RELN: variants seen among roughly 807,000 people sequenced by gnomAD.
RELN encodes reelin.
In RELN, 108 loss-of-function variants were observed where a neutral mutation model predicts 427.6. That is an observed-to-expected ratio of 0.25 (90% CI 0.22 to 0.30). RELN has a LOEUF of 0.30. RELN is among the 10% of genes least tolerant of loss of function. The pLI is 1.00. For synonymous variants in RELN, 1,524 were observed against 1,513.4 expected (o/e 1.01, Z -0.16); for missense variants, 3,715 against 4,302.8 (o/e 0.86, Z 3.82).
chr7:103,658,489 G>A lies in RELN; in HGVS notation c.1441+2887C>T, dbSNP rs184219980. On this transcript the variant is annotated intron_variant, in intron 12 of 64. Transcript: ENST00000428762. ...CCTATCCTATCTATCCTGCCCTATC[G>A]TATCCCACCATATTCCATCCTACCA... is the stretch of plus-strand genomic sequence containing the variant. 5.3e-5 allele frequency among the ~76,000 whole-genome samples: 8 copies of A among 151,866 alleles called. No homozygotes were observed. The East Asian group carries it at 5.8e-4, about 11-fold the overall frequency.
chr7:103,831,266 A>G (rs867980789), intron 3 of RELN, among the ~76,000 whole-genome samples: 141 of 152,270 alleles, frequency 9.3e-4, no homozygotes, highest in African/African-American at 3.2e-3. Context: ...CAATATGAAT[A>G]AGAGAAAGCA....
chr7:103,825,534 C>T (rs577043767), intron 3 of RELN, among the ~76,000 whole-genome samples: 2 of 152,232 alleles, frequency 1.3e-5, no homozygotes, highest in East Asian at 1.9e-4. Context: ...GTTCACATAA[C>T]AATGGCAAAA....
intron 6 of RELN, among the ~76,000 whole-genome samples, chr7:103,748,349 TAA>T (rs1790900952): frequency 6.6e-6 from 1 of 152,116 alleles, no homozygotes; most frequent in Non-Finnish European, 1.5e-5. Context: ...AGAAAAGAAA[TAA>T]AAGTTTCTTG....
Position 103,703,519 on chromosome 7 carries a change from C to T in RELN, c.806-2513G>A, listed in dbSNP as rs1255718347. 4.6e-5 allele frequency among the ~76,000 whole-genome samples: 7 copies of T among 152,284 alleles called. No homozygotes were observed. In the South Asian group the frequency reaches 1.5e-3, roughly 32 times the overall value. ...CTCCCTGTACCCAGACACTGTGACA[C>T]CTCTCAAGGTACCTTCTTAGGGAGT... On this transcript the variant is annotated intron_variant, in intron 8 of 64. Transcript: ENST00000428762.
intron 2 of RELN, among the ~76,000 whole-genome samples, chr7:103,859,496 T>C (rs1399535509): frequency 1.3e-5 from 2 of 152,132 alleles, no homozygotes; most frequent in Non-Finnish European, 2.9e-5. Context: ...GGTTTCACTG[T>C]GTTAGCCAGG....
intron 10 of RELN, among the ~76,000 whole-genome samples, chr7:103,686,678 T>C (rs1027823264): frequency 6.6e-6 from 1 of 152,162 alleles, no homozygotes; most frequent in Admixed American, 6.6e-5. Flanking sequence ...CCATTGGAAA[T>C]TGACTAATTT....
chr7:103,888,720 T>C (rs1342542686), intron 2 of RELN, among the ~76,000 whole-genome samples: 1 of 151,986 alleles, frequency 6.6e-6, no homozygotes, highest in Non-Finnish European at 1.5e-5. Context: ...AATCCATGAG[T>C]GTATTCTCCT....
chr7:103,505,273 GAGACACCTCCCAGTAGGGGCCGAC>G (rs1184960939), intron 51 of RELN, among the ~76,000 whole-genome samples: 2 of 152,170 alleles, frequency 1.3e-5, no homozygotes, highest in East Asian at 1.9e-4. Flanking sequence ...TCCTGATTGG[GAGACACCTCCCAGTAGGGGCCGAC>G]AGACACCTCA....
intron 10 of RELN, among the ~76,000 whole-genome samples, chr7:103,691,923 A>G (rs1478538993): frequency 6.6e-6 from 1 of 152,168 alleles, no homozygotes; most frequent in Admixed American, 6.6e-5. Context: ...CGTCATGACA[A>G]CATGAGGTGG....
At chr7:103,757,528 A>G (rs772339306) in intron 4 of RELN, among the ~76,000 whole-genome samples, 9 of 152,230 alleles carry the variant, frequency 5.9e-5, no homozygotes, top group Non-Finnish European at 1.2e-4. Flanking sequence ...TAAAATTGTC[A>G]AATGGCTTAA....
At chr7:103,912,315 C>T (rs1334318061) in intron 2 of RELN, among the ~76,000 whole-genome samples, 3 of 151,436 alleles carry the variant, frequency 2.0e-5, no homozygotes, top group South Asian at 2.1e-4. Flanking sequence ...CCTGCAAGTA[C>T]GTGGGATTAC....
At chr7:103,499,548 TTCTA>T (rs142854271) in intron 53 of RELN, among the ~76,000 whole-genome samples, 7 of 152,086 alleles carry the variant, frequency 4.6e-5, no homozygotes, top group African/African-American at 1.4e-4. Context: ...TTAAGGAGAG[TTCTA>T]TCTTACTGTG....
chr7:103,931,878 A>G (rs1459023336), intron 1 of RELN, among the ~76,000 whole-genome samples: 2 of 152,142 alleles, frequency 1.3e-5, no homozygotes. Context: ...AACAGATGCA[A>G]AAGAAGTGAA....
chr7:103,562,085 C>T (rs1383936848), intron 34 of RELN, 132 bp from the exon 35 acceptor site: 12 of 1,073,976 alleles, frequency 1.1e-5, no homozygotes, highest in African/African-American at 4.8e-5. Context: ...TCTTTCTTGA[C>T]GTACTTTATT....
At chr7:103,521,929 T>A in intron 48 of RELN, 93 bp downstream of exon 48, 1 of 1,303,428 alleles carries the variant, frequency 7.7e-7, no homozygotes, top group Non-Finnish European at 1.1e-6. Context: ...TAACCCTGCA[T>A]CTTGATTTGC....
intron 2 of RELN, among the ~76,000 whole-genome samples, chr7:103,838,208 C>CAAGAAA (rs1491227842): frequency 3.7e-5 from 3 of 81,082 alleles, no homozygotes; most frequent in African/African-American, 1.5e-4. Flanking sequence ...GACTTCGTCT[C>CAAGAAA]AAAAAAAAAA....
At chr7:103,516,083 C>T (rs890582501) in intron 49 of RELN, among the ~76,000 whole-genome samples, 1 of 152,098 alleles carries the variant, frequency 6.6e-6, no homozygotes, top group Non-Finnish European at 1.5e-5. Context: ...CTGTCTCACT[C>T]ACCAGGGACA....
At chr7:103,809,981 G>C (rs1584258562) in intron 3 of RELN, among the ~76,000 whole-genome samples, 1 of 152,234 alleles carries the variant, frequency 6.6e-6, no homozygotes, top group South Asian at 2.1e-4. Flanking sequence ...GTGTGCAGTG[G>C]AACCTATTCC....
intron 31 of RELN, among the ~76,000 whole-genome samples, chr7:103,570,618 C>T (rs1441366318): frequency 6.6e-6 from 1 of 152,182 alleles, no homozygotes; most frequent in Non-Finnish European, 1.5e-5. Flanking sequence ...CATTAGTGCC[C>T]CACTGGTTCT....
Sources: gnomAD v4.1 joint callset for allele counts (sites outside exome capture counted in the v4.1 genomes callset) on GRCh38, gnomAD v4.1.1 for gene constraint, MANE v1.5 for transcripts, NCBI Gene and HGNC (gene_info 2026-07-23, HGNC 2026-07-21) for gene names.